The following RUFY2 variants were observed in gnomAD, a reference collection of about 807,000 sequenced individuals.
RUFY2 encodes RUN and FYVE domain containing 2.
A neutral mutation model predicts 94.4 loss-of-function variants in RUFY2; 49 were observed. The observed-to-expected ratio is 0.52, with a 90% CI of 0.41 to 0.66. The LOEUF (loss-of-function observed/expected upper bound fraction) is 0.66. Ranked by LOEUF, RUFY2 falls within the 30% of genes least tolerant of loss-of-function variation. The probability of loss-of-function intolerance (pLI) is 0.00; values close to 1 mark genes in which losing one functional copy is unlikely to be tolerated. For synonymous variants in RUFY2, 255 were observed against 235.7 expected, an observed-to-expected ratio of 1.08 and a Z score of -0.75; for missense variants, 541 against 692.8, an observed-to-expected ratio of 0.78 and a Z score of 2.46.
intron 13 of RUFY2, among the ~76,000 whole-genome samples, chr10:68,371,854 G>T (rs1299432243): frequency 6.6e-6 from 1 of 152,112 alleles, no homozygotes; most frequent in African/African-American, 2.4e-5. Context: ...TTTTTAATCA[G>T]AAAACCATAA....
intron 15 of RUFY2, 39 bp from the exon 16 acceptor site, chr10:68,355,440 T>C: frequency 8.0e-7 from 1 of 1,246,834 alleles, no homozygotes; most frequent in Non-Finnish European, 1.2e-6. Flanking sequence ...TCAGTACACA[T>C]ATTTAAATAT....
At position 68,381,411 on chromosome 10, in the gene RUFY2, A is replaced by T. The variant is rs753596095; in HGVS notation, c.940-12T>A. ...TCATTCTCTACATCCTGCAATTTCA[A>T]TGTATCCTCAATTCACATGCCACTT... On this transcript the variant is annotated splice_polypyrimidine_tract_variant and intron_variant, in intron 10 of 17. Transcript: ENST00000602465. 12 of 1,602,868 alleles carry T rather than the reference A, an allele frequency of 7.5e-6. No homozygotes were observed. Among genetic ancestry groups the T allele is most frequent in the Non-Finnish European group, 1.0e-5 (12 of 1,175,974 alleles).
At chr10:68,379,328 T>G in intron 12 of RUFY2, 96 bp downstream of exon 12, 1 of 922,108 alleles carries the variant, frequency 1.1e-6, no homozygotes, top group Non-Finnish European at 1.6e-6. Context: ...TCCTAATCTA[T>G]GTCTTCCTAA....
rs2051239944 is a variant in RUFY2 at position 68,405,704 on chromosome 10, C to T, written c.5-860G>A. ...CACAGAAGAAGCCGTCCAATTCTTT[C>T]GTCTACCCTCTTTCTGTCTGGCTTC... On this transcript the variant is annotated intron_variant, in intron 1 of 17. Transcript: ENST00000602465. The T allele has an allele frequency of 4.1e-6, 4 of 984,280 alleles. No homozygotes were observed. The African/African-American group carries it at 5.2e-5, about 13-fold the overall frequency. The allele number at this position is 984,280 out of a possible 1,614,324, so 61.0% of individuals were successfully genotyped here. A position where few individuals can be genotyped will look rare whatever the true frequency, so the allele number is the denominator to read the frequency against.
At chr10:68,373,729 A>T (rs1249736544) in intron 13 of RUFY2, among the ~76,000 whole-genome samples, 1 of 152,192 alleles carries the variant, frequency 6.6e-6, no homozygotes, top group African/African-American at 2.4e-5. Flanking sequence ...CTATAATGGC[A>T]CCACTATACT....
chr10:68,355,487 T>C (rs2046981682), intron 15 of RUFY2, 86 bp from the exon 16 acceptor site: 1 of 795,774 alleles, frequency 1.3e-6, no homozygotes, highest in Non-Finnish European at 2.1e-6. Context: ...TGGTATTTCA[T>C]AGGATATAAA....
At chr10:68,394,583 T>C (rs1334958632) in intron 4 of RUFY2, 132 bp from the exon 5 acceptor site, 1 of 543,514 alleles carries the variant, frequency 1.8e-6, no homozygotes. Context: ...GCCTTCAAAT[T>C]AGCCTTTATA....
intron 6 of RUFY2, 70 bp downstream of exon 6, chr10:68,394,005 G>C: frequency 6.9e-7 from 1 of 1,452,744 alleles, no homozygotes; most frequent in Non-Finnish European, 9.1e-7. Flanking sequence ...GTAAATAGAT[G>C]GATCTTATAA....
At chr10:68,341,733 A>T (rs200462607), downstream of RUFY2, 52 of 1,584,738 alleles carry the variant, frequency 3.3e-5, no homozygotes, top group Non-Finnish European at 4.2e-5. Flanking sequence ...ATGAGTCTCA[A>T]TTTTTTTTCT....
intron 4 of RUFY2, 78 bp downstream of exon 4, chr10:68,396,702 T>C: frequency 1.1e-6 from 1 of 895,476 alleles, no homozygotes; most frequent in East Asian, 2.6e-5. Flanking sequence ...TCCTTTCATA[T>C]TACATCTTAA....
intron 10 of RUFY2, 46 bp from the exon 11 acceptor site, chr10:68,381,445 A>T: frequency 6.4e-6 from 10 of 1,550,892 alleles, no homozygotes; most frequent in Non-Finnish European, 8.8e-6. Context: ...TTCAGGATGT[A>T]AAAATTAGAT....
chr10:68,406,173 A>G (rs888260663), intron 1 of RUFY2, among the ~76,000 whole-genome samples: 11 of 151,960 alleles, frequency 7.2e-5, no homozygotes, highest in African/African-American at 1.5e-4. Flanking sequence ...ACTGAACAAC[A>G]ACAACAACAA....
chr10:68,343,007 T>C (rs1210486165), downstream of RUFY2: 1 of 152,202 alleles, frequency 6.6e-6, no homozygotes, highest in East Asian at 1.9e-4. Flanking sequence ...CTTGGAGTTT[T>C]AGTTTAAAGA....
intron 16 of RUFY2, among the ~76,000 whole-genome samples, chr10:68,350,818 T>G (rs1438577815): frequency 6.6e-6 from 1 of 151,876 alleles, no homozygotes; most frequent in African/African-American, 2.4e-5. Flanking sequence ...GTTCAAGCAA[T>G]TCTCCTGCCT....
chr10:68,406,992 A>G (rs2051376443), intron 1 of RUFY2, 194 bp downstream of exon 1: 1 of 1,513,590 alleles, frequency 6.6e-7, no homozygotes. Flanking sequence ...GGGCCGGAAC[A>G]AGGGAGGGGG....
chr10:68,370,835 C>T (rs2048215756), intron 13 of RUFY2, among the ~76,000 whole-genome samples: 1 of 151,102 alleles, frequency 6.6e-6, no homozygotes, highest in Admixed American at 6.6e-5. Context: ...TGTGGGACTA[C>T]TAAAAAAAAA....
chr10:68,353,112 C>T (rs1359114879), intron 16 of RUFY2, among the ~76,000 whole-genome samples: 1 of 151,824 alleles, frequency 6.6e-6, no homozygotes, highest in African/African-American at 2.4e-5. Flanking sequence ...GCAGGTGCAT[C>T]ACCTGAGGTC....
At chr10:68,383,948 CACT>C in intron 9 of RUFY2, 34 bp from the exon 10 acceptor site, 1 of 1,578,528 alleles carries the variant, frequency 6.3e-7, no homozygotes, top group Non-Finnish European at 8.7e-7. Flanking sequence ...ATTCTATAAT[CACT>C]ACTATTAATA....
chr10:68,350,230 G>A (rs1421190589), intron 16 of RUFY2, among the ~76,000 whole-genome samples: 1 of 151,776 alleles, frequency 6.6e-6, no homozygotes. Flanking sequence ...GGTTGGTCTC[G>A]AACTCCTGAC....
Sources: gnomAD v4.1 joint callset for allele counts (sites outside exome capture counted in the v4.1 genomes callset) on GRCh38, gnomAD v4.1.1 for gene constraint, MANE v1.5 for transcripts, NCBI Gene and HGNC (gene_info 2026-07-23, HGNC 2026-07-21) for gene names.